SPAG16: variants seen among roughly 807,000 people sequenced by gnomAD.
The protein encoded by SPAG16 is sperm-associated antigen 16 protein.
In SPAG16, 86 loss-of-function variants were observed where a neutral mutation model predicts 80.4. That is an observed-to-expected ratio of 1.07 (90% CI 0.90 to 1.28). The LOEUF is 1.28. Among genes scored for constraint, SPAG16 ranks in the 50% most tolerant of loss-of-function variants. The pLI, the probability that SPAG16 is intolerant of heterozygous loss-of-function variation, is 0.00. For synonymous variants in SPAG16, 294 were observed against 265.9 expected (o/e 1.11, Z -1.03); for missense variants, 870 against 765.3 (o/e 1.14, Z -1.61).
chr2:213,557,155 C>G (rs2059450363), intron 10 of SPAG16, among the ~76,000 whole-genome samples: 1 of 152,058 alleles, frequency 6.6e-6, no homozygotes, highest in Admixed American at 6.6e-5. Flanking sequence ...TGGACCATGT[C>G]AGACAAGCAC....
chr2:213,996,902 T>C (rs1466326222), intron 12 of SPAG16, among the ~76,000 whole-genome samples: 2 of 152,194 alleles, frequency 1.3e-5, no homozygotes, highest in East Asian at 3.9e-4. Flanking sequence ...AATTGCCCTT[T>C]CTAGGTTTGC....
At chr2:213,997,961 G>C (rs2046607740) in intron 12 of SPAG16, among the ~76,000 whole-genome samples, 1 of 152,102 alleles carries the variant, frequency 6.6e-6, no homozygotes, top group African/African-American at 2.4e-5. Flanking sequence ...TTACATTCTT[G>C]AGAACAAGAG....
At chr2:213,841,772 A>C in intron 10 of SPAG16, among the ~76,000 whole-genome samples, 1 of 152,276 alleles carries the variant, frequency 6.6e-6, no homozygotes, top group East Asian at 1.9e-4. Flanking sequence ...CAAAACCCAT[A>C]ATAAATACTG....
At chr2:213,738,720 T>C (rs868673433) in intron 10 of SPAG16, among the ~76,000 whole-genome samples, 7 of 152,366 alleles carry the variant, frequency 4.6e-5, no homozygotes, top group African/African-American at 9.6e-5. Flanking sequence ...AAAAATATGA[T>C]AGTTATAATG....
intron 10 of SPAG16, among the ~76,000 whole-genome samples, chr2:213,562,111 G>A (rs775951698): frequency 7.9e-5 from 12 of 152,214 alleles, no homozygotes; most frequent in South Asian, 2.1e-4. Context: ...CCAATGGCCA[G>A]ACGATTGAAT....
chr2:213,824,106 G>C (rs2073122926), intron 10 of SPAG16, among the ~76,000 whole-genome samples: 1 of 152,126 alleles, frequency 6.6e-6, no homozygotes, highest in Non-Finnish European at 1.5e-5. Context: ...GTAAGGAAGG[G>C]GTCCAGTTTC....
chr2:214,090,197 G>C (rs930751905), intron 13 of SPAG16, among the ~76,000 whole-genome samples: 1 of 151,694 alleles, frequency 6.6e-6, no homozygotes, highest in East Asian at 1.9e-4. Context: ...CAAAGAGAAA[G>C]AAGTGGAAGA....
intron 14 of SPAG16, among the ~76,000 whole-genome samples, chr2:214,137,727 CT>C (rs2055136286): frequency 6.6e-6 from 1 of 152,070 alleles, no homozygotes; most frequent in African/African-American, 2.4e-5. Context: ...GACTTTATCT[CT>C]TTAAGCATTA....
At chr2:213,996,775 G>A (rs906984027) in intron 12 of SPAG16, among the ~76,000 whole-genome samples, 3 of 151,890 alleles carry the variant, frequency 2.0e-5, no homozygotes, top group Non-Finnish European at 4.4e-5. Flanking sequence ...TCACCATGTT[G>A]GCCAGGCTGG....
chr2:214,393,827 T>C (rs899379216), intron 15 of SPAG16, among the ~76,000 whole-genome samples: 3 of 152,150 alleles, frequency 2.0e-5, no homozygotes, highest in Non-Finnish European at 2.9e-5. Context: ...TAAAAAATGT[T>C]TTGAAGGGTG....
intron 13 of SPAG16, among the ~76,000 whole-genome samples, chr2:214,061,996 C>CAA (rs2050284056): frequency 3.4e-5 from 5 of 145,994 alleles, no homozygotes; most frequent in Admixed American, 2.1e-4. Flanking sequence ...CACACACACA[C>CAA]ACACACACAC....
rs572248530 is a variant in SPAG16 at position 214,184,891 on chromosome 2, T to C, written c.1720+35625T>C. ...TTTCAAAATAAAGTCTTCACTAAAA[T>C]TTAAGTAGTTTAATGACAAAATAGA... On this transcript the variant is annotated intron_variant, in intron 15 of 15. Coordinates refer to ENST00000331683, the MANE Select transcript of SPAG16 (RefSeq NM_024532.5). Among the ~76,000 whole-genome samples, 3 of 152,232 alleles carry C rather than the reference T, an allele frequency of 2.0e-5. No homozygotes were observed. In the East Asian group the frequency reaches 5.8e-4, roughly 29 times the overall value.
chr2:214,135,852 C>T (rs2055027283), intron 14 of SPAG16, among the ~76,000 whole-genome samples: 1 of 152,100 alleles, frequency 6.6e-6, no homozygotes, highest in Admixed American at 6.6e-5. Context: ...GAAGCAGATA[C>T]TGGCGCCATG....
intron 10 of SPAG16, among the ~76,000 whole-genome samples, chr2:213,511,969 T>C (rs1263283070): frequency 6.6e-6 from 1 of 152,080 alleles, no homozygotes; most frequent in Admixed American, 6.6e-5. Flanking sequence ...AAAAACATTA[T>C]AGATGTCTAA....
chr2:214,410,370 C>T lies in SPAG16; in HGVS notation c.*55C>T, dbSNP rs778529616. ...TCCCTTTAAGGCTTGAAAATGCCTC[C>T]TGTAGTCCCAAACCAGCAAAGAACT... On this transcript the variant is annotated 3_prime_UTR_variant, in exon 16 of 16. Transcript: ENST00000331683. 5 of 1,496,460 alleles carry T rather than the reference C, an allele frequency of 3.3e-6. No individual in the cohort carries two copies. Among genetic ancestry groups the T allele is most frequent in the Non-Finnish European group, 4.5e-6 (5 of 1,102,918 alleles). The allele number at this position is 1,496,460 out of a possible 1,614,324, so 92.7% of individuals were successfully genotyped here. A position where few individuals can be genotyped will look rare whatever the true frequency, so the allele number is the denominator to read the frequency against.
At chr2:213,935,945 G>A (rs976010006) in intron 12 of SPAG16, among the ~76,000 whole-genome samples, 1 of 152,088 alleles carries the variant, frequency 6.6e-6, no homozygotes, top group Admixed American at 6.6e-5. Flanking sequence ...AATGAAAAAT[G>A]ATAATAATTA....
At chr2:213,312,531 C>G (rs900316330) in intron 4 of SPAG16, among the ~76,000 whole-genome samples, 1 of 151,624 alleles carries the variant, frequency 6.6e-6, no homozygotes, top group African/African-American at 2.4e-5. Context: ...TCTTTTTAAA[C>G]CATTTTTCCC....
At chr2:214,016,330 G>A (rs1465710575) in intron 13 of SPAG16, among the ~76,000 whole-genome samples, 1 of 152,056 alleles carries the variant, frequency 6.6e-6, no homozygotes, top group African/African-American at 2.4e-5. Flanking sequence ...GCATGTGCCG[G>A]GGAACTCACC....
intron 11 of SPAG16, among the ~76,000 whole-genome samples, chr2:213,872,369 A>G (rs1278138793): frequency 6.6e-6 from 1 of 152,192 alleles, no homozygotes; most frequent in East Asian, 1.9e-4. Flanking sequence ...GTAATTTGTC[A>G]CAGCACAAAA....
Sources: allele counts gnomAD v4.1 joint callset (sites outside exome capture counted in the v4.1 genomes callset), GRCh38; gene constraint gnomAD v4.1.1; transcripts MANE v1.5; gene names NCBI Gene and HGNC (gene_info 2026-07-23, HGNC 2026-07-21).